Variants in CIB2 observed in about 807,000 individuals in gnomAD.
CIB2 encodes the protein calcium and integrin-binding family member 2.
CIB2 carries 19 observed loss-of-function variants against 23.1 expected under a neutral mutation model. The observed-to-expected ratio is 0.82, with a 90% CI of 0.57 to 1.21. The LOEUF is 1.21. Among genes scored for constraint, CIB2 ranks in the 50% most tolerant of loss-of-function variants. CIB2 has a pLI of 0.00. For synonymous variants in CIB2, 94 were observed against 91.7 expected (o/e 1.03, Z -0.14); for missense variants, 220 against 241.5 (o/e 0.91, Z 0.59).
chr15:78,121,935 G>A (rs12901761), intron 2 of CIB2, among the ~76,000 whole-genome samples: 6 of 152,192 alleles, frequency 3.9e-5, no homozygotes, highest in Non-Finnish European at 5.9e-5. Context: ...GGGAGGATGG[G>A]GGTGGGAGTG....
chr15:78,113,574 A>T (rs1464034766), intron 2 of CIB2, among the ~76,000 whole-genome samples: 1 of 147,006 alleles, frequency 6.8e-6, no homozygotes, highest in Non-Finnish European at 1.5e-5. Context: ...TCTGTCGCCC[A>T]GGCTAGAGTA....
Position 78,131,197 on chromosome 15 carries a change from T to C in CIB2, c.19A>G (p.Ile7Val). 1 of 1,585,174 alleles carries C rather than the reference T, an allele frequency of 6.3e-7. No homozygotes were observed. Among genetic ancestry groups the C allele is most frequent in the Non-Finnish European group, 8.6e-7 (1 of 1,167,158 alleles). The change falls in exon 1 of 6, where the codon ATC becomes GTC. Residue 7 changes from isoleucine (I) to valine (V), a missense_variant. Ile to Val is a conservative substitution (Grantham distance 29). Coordinates refer to ENST00000258930, the MANE Select transcript of CIB2 (RefSeq NM_006383.4). This position sits in a 1 kb window ranked among gnomAD's most constrained non-coding sequence, Gnocchi z 5.8. The stretch of plus-strand genomic sequence containing the variant: ...TTGTCTAGCTGCTCTTCGGTGAAGA[T>C]GGTCTGCTTGTTCCCCATGGTGGCC... The part of the protein sequence containing the change: MGNKQT[I>V]FTEEQLDNYQ...
At chr15:78,116,219 G>T (rs901769106) in intron 2 of CIB2, among the ~76,000 whole-genome samples, 14 of 152,092 alleles carry the variant, frequency 9.2e-5, no homozygotes, top group African/African-American at 3.4e-4. Flanking sequence ...AGCACTTTGG[G>T]AGGCCGAGGC....
At chr15:78,129,359 G>A (rs1019556156) in intron 1 of CIB2, among the ~76,000 whole-genome samples, 1 of 152,130 alleles carries the variant, frequency 6.6e-6, no homozygotes, top group Non-Finnish European at 1.5e-5. Flanking sequence ...TGGCTCCGAT[G>A]AGTAACCCAA....
At chr15:78,115,593 A>G (rs1343977786) in intron 2 of CIB2, among the ~76,000 whole-genome samples, 3 of 151,944 alleles carry the variant, frequency 2.0e-5, no homozygotes, top group Non-Finnish European at 4.4e-5. Flanking sequence ...TGTTTTGTCA[A>G]TTAAAAAAAC....
chr15:78,129,733 T>A (rs758045290), intron 1 of CIB2, among the ~76,000 whole-genome samples: 13 of 151,940 alleles, frequency 8.6e-5, no homozygotes, highest in Non-Finnish European at 1.3e-4. Flanking sequence ...AAAGCACACA[T>A]GGCCCAGCCC....
intron 1 of CIB2, among the ~76,000 whole-genome samples, chr15:78,127,443 C>G (rs752099688): frequency 1.3e-5 from 2 of 152,114 alleles, no homozygotes; most frequent in African/African-American, 4.8e-5. Flanking sequence ...GTGATGGGCT[C>G]TCAGAACATT....
chr15:78,105,151 C>T lies in CIB2; in HGVS notation c.*160G>A. The T allele has an allele frequency of 9.8e-7, 1 of 1,017,650 alleles. No individual in the cohort carries two copies. The highest frequency in any genetic ancestry group is 1.4e-6 in the Non-Finnish European group (1 of 698,866). The allele number at this position is 1,017,650 out of a possible 1,614,324, so 63.0% of individuals were successfully genotyped here. Reference sequence around the variant, plus strand: ...GGTCCTAACCTTCACAGGCCCCCTTCCTGGTTAAGGTTTTTTTTTTGCTGA... The same window carrying T: ...GGTCCTAACCTTCACAGGCCCCCTTTCTGGTTAAGGTTTTTTTTTTGCTGA... On this transcript the variant is annotated 3_prime_UTR_variant, in exon 6 of 6. Transcript: ENST00000258930.
chr15:78,112,695 G>A (rs945084126), intron 2 of CIB2, among the ~76,000 whole-genome samples: 15 of 152,198 alleles, frequency 9.9e-5, no homozygotes, highest in African/African-American at 3.4e-4. Context: ...GATTAGGTAT[G>A]ACCCTGTATC....
At chr15:78,123,880 C>T (rs961270046) in intron 1 of CIB2, 141 bp from the exon 2 acceptor site, 4 of 927,954 alleles carry the variant, frequency 4.3e-6, no homozygotes, top group Non-Finnish European at 6.8e-6. Context: ...TCCACCTTGC[C>T]CTCACCCACT....
rs2074044280 is a variant in CIB2 at position 78,105,058 on chromosome 15, G to T, written c.*253C>A. ...GAGTAGGAAAGGACTGGGGCATGGG[G>T]CGGGGTGCGGAGGGCCTGGAGAGAG... On this transcript the variant is annotated 3_prime_UTR_variant, in exon 6 of 6. Coordinates refer to ENST00000258930, the MANE Select transcript of CIB2 (RefSeq NM_006383.4). 5.7e-6 allele frequency: 3 copies of T among 524,592 alleles called. No individual in the cohort carries two copies. In the South Asian group the frequency reaches 6.6e-5, roughly 12 times the overall value. 32.5% of individuals were successfully genotyped at this position (524,592 alleles called of 1,614,324 possible).
chr15:78,105,093 C>A lies in CIB2; in HGVS notation c.*218G>T. On this transcript the variant is annotated 3_prime_UTR_variant, in exon 6 of 6. Coordinates refer to ENST00000258930, the MANE Select transcript of CIB2 (RefSeq NM_006383.4). ...GAGGGCCTGGAGAGAGGCCATGGGT[C>A]CCGGGGCTGGACCACAGCGGGGCTG... 4 of 607,480 alleles carry A rather than the reference C, an allele frequency of 6.6e-6. No individual in the cohort carries two copies. In the South Asian group the frequency reaches 8.0e-5, roughly 12 times the overall value. The allele number at this position is 607,480 out of a possible 1,614,324, so 37.6% of individuals were successfully genotyped here.
chr15:78,105,161 G>GTTT lies in CIB2; in HGVS notation c.*147_*149dup. 2 of 933,694 alleles carry GTTT rather than the reference G, an allele frequency of 2.1e-6. No individual in the cohort carries two copies. The highest frequency in any genetic ancestry group is 3.1e-6 in the Non-Finnish European group (2 of 652,812). 57.8% of individuals were successfully genotyped at this position (933,694 alleles called of 1,614,324 possible). On this transcript the variant is annotated 3_prime_UTR_variant, in exon 6 of 6. Coordinates refer to ENST00000258930, the MANE Select transcript of CIB2 (RefSeq NM_006383.4). ...TTCACAGGCCCCCTTCCTGGTTAAG[G>GTTT]TTTTTTTTTTGCTGAAAGGGCCACA...
chr15:78,116,613 G>A (rs1464991369), intron 2 of CIB2, among the ~76,000 whole-genome samples: 1 of 152,136 alleles, frequency 6.6e-6, no homozygotes, highest in East Asian at 1.9e-4. Context: ...TACTGAGAGA[G>A]GAATGTAATT....
At chr15:78,116,557 C>T (rs1416097004) in intron 2 of CIB2, among the ~76,000 whole-genome samples, 2 of 151,926 alleles carry the variant, frequency 1.3e-5, no homozygotes, top group Non-Finnish European at 2.9e-5. Flanking sequence ...TAAGCATTTG[C>T]AGTTTTTGGT....
intron 2 of CIB2, among the ~76,000 whole-genome samples, 158 bp downstream of exon 2, chr15:78,123,547 T>C (rs2074345592): frequency 2.6e-5 from 4 of 152,104 alleles, no homozygotes; most frequent in Admixed American, 2.6e-4. Context: ...TCTAACTCCA[T>C]CCTAGCCCAG....
intron 2 of CIB2, among the ~76,000 whole-genome samples, chr15:78,119,482 GTGTT>G (rs1439470654): frequency 1.3e-5 from 2 of 152,130 alleles, no homozygotes; most frequent in Non-Finnish European, 2.9e-5. Context: ...TTATTTGTAA[GTGTT>G]TGAGGATCCA....
At chr15:78,130,636 C>T (rs1049428694) in intron 1 of CIB2, among the ~76,000 whole-genome samples, 1 of 152,182 alleles carries the variant, frequency 6.6e-6, no homozygotes, top group Admixed American at 6.5e-5. Flanking sequence ...CTCCAGTTAT[C>T]TCCATGCTGG....
chr15:78,105,317 C>G lies in CIB2; in HGVS notation c.558G>C (p.Arg186=), dbSNP rs1567047205. ...APDFLSTFHI[R]I ...TACAGCCTCGGCAGTGTCCTCAGATCCGGATGTGGAAAGTGCTAGAAAGAG... is the reference window on the plus strand; with the variant it reads ...TACAGCCTCGGCAGTGTCCTCAGATGCGGATGTGGAAAGTGCTAGAAAGAG... Residue 186 remains arginine, a synonymous_variant, in exon 6 of 6, where the codon CGG becomes CGC. Coordinates refer to ENST00000258930, the MANE Select transcript of CIB2 (RefSeq NM_006383.4). The G allele has an allele frequency of 6.2e-7, 1 of 1,613,998 alleles. No homozygotes were observed. The highest frequency in any genetic ancestry group is 2.2e-5 in the East Asian group (1 of 44,874).
Sources: gnomAD v4.1 joint callset for allele counts (sites outside exome capture counted in the v4.1 genomes callset) on GRCh38, gnomAD v4.1.1 for gene constraint, Gnocchi (gnomAD v3.1) non-coding constraint, MANE v1.5 for transcripts, NCBI Gene and HGNC (gene_info 2026-07-23, HGNC 2026-07-21) for gene names.